TPST2: variants seen among roughly 807,000 people sequenced by gnomAD.
TPST2 encodes the protein tyrosylprotein sulfotransferase 2, also known as protein-tyrosine sulfotransferase 2.
A neutral mutation model predicts 27.8 loss-of-function variants in TPST2; 16 were observed. The ratio of observed to expected loss-of-function variants is 0.58; its 90% CI spans 0.39 to 0.88. The LOEUF (loss-of-function observed/expected upper bound fraction) is 0.88, where lower values mean the gene tolerates loss of function less well. TPST2 is among the 40% of genes least tolerant of loss of function. The pLI, the probability that TPST2 is intolerant of heterozygous loss-of-function variation, is 0.00. For missense variants in TPST2, 464 were observed against 543.1 expected (o/e 0.85, Z 1.45); for synonymous variants, 229 against 231.7 (o/e 0.99, Z 0.10).
rs1379287274 is a variant in TPST2, at chr22:26,539,531, G to A, written c.842+1258C>T. Among the ~76,000 whole-genome samples, 15 of 151,834 alleles carry A rather than the reference G, an allele frequency of 9.9e-5. No homozygotes were observed. In the South Asian group the frequency reaches 2.3e-3, roughly 23 times the overall value. On this transcript the variant is annotated intron_variant, in intron 3 of 6. Coordinates refer to ENST00000338754, the MANE Select transcript of TPST2 (RefSeq NM_003595.5). ...TAATCCCAGCACTTTGGGAGGCCAA[G>A]GCAGGAGGAAGGCTTGAGCTCAGGG...
intron 1 of TPST2, among the ~76,000 whole-genome samples, chr22:26,584,467 A>G (rs1928257150): frequency 6.6e-6 from 1 of 152,216 alleles, no homozygotes; most frequent in Non-Finnish European, 1.5e-5. Context: ...GCTAGGCCTT[A>G]AGATGGGATA....
chr22:26,569,657 A>T (rs1927521878), intron 1 of TPST2, among the ~76,000 whole-genome samples: 1 of 151,632 alleles, frequency 6.6e-6, no homozygotes. Flanking sequence ...CTAAAAAAAA[A>T]GAAAATTAAT....
At chr22:26,588,430 G>C (rs1928425118) in intron 1 of TPST2, among the ~76,000 whole-genome samples, 1 of 152,060 alleles carries the variant, frequency 6.6e-6, no homozygotes, top group Non-Finnish European at 1.5e-5. Flanking sequence ...CTTTCTTTTG[G>C]GCATGATAAA....
chr22:26,581,777 CAA>C (rs1013139851), intron 1 of TPST2, among the ~76,000 whole-genome samples: 10 of 152,330 alleles, frequency 6.6e-5, no homozygotes, highest in African/African-American at 2.4e-4. Flanking sequence ...CTCACCAAAT[CAA>C]AGTTTTATAA....
chr22:26,543,301 G>C (rs1925959678), intron 2 of TPST2: 1 of 152,184 alleles, frequency 6.6e-6, no homozygotes, highest in Non-Finnish European at 1.5e-5. Flanking sequence ...AGCTAATTCA[G>C]AGCTACTTCC....
chr22:26,568,551 G>C (rs1293936460), intron 1 of TPST2, among the ~76,000 whole-genome samples: 1 of 152,064 alleles, frequency 6.6e-6, no homozygotes, highest in Non-Finnish European at 1.5e-5. Context: ...GTGACCTCTG[G>C]TCATCCTCAC....
chr22:26,571,895 C>G (rs939985653), intron 1 of TPST2, among the ~76,000 whole-genome samples: 5 of 152,172 alleles, frequency 3.3e-5, no homozygotes, highest in African/African-American at 1.2e-4. Flanking sequence ...TCACCAGCAG[C>G]CCAGTCCAAG....
chr22:26,547,610 GA>G (rs1926195333), intron 1 of TPST2: 1 of 152,142 alleles, frequency 6.6e-6, no homozygotes, highest in South Asian at 2.1e-4. Flanking sequence ...CCAACAAATA[GA>G]AACCACACTT....
In TPST2 at chr22:26,536,260, A is replaced by T. The variant is rs762563778; in HGVS notation, c.1041+28T>A. 17 of 1,613,516 alleles carry T rather than the reference A, an allele frequency of 1.1e-5. No homozygotes were observed. In the South Asian group the frequency reaches 1.9e-4, roughly 18 times the overall value. ...AGAAGCCCCATATCCCCAAGAGTACACTTCCACAAGTACAGGTGCACACTC... is the reference window on the plus strand; with the variant it reads ...AGAAGCCCCATATCCCCAAGAGTACTCTTCCACAAGTACAGGTGCACACTC... On this transcript the variant is annotated intron_variant, in intron 4 of 6. Coordinates refer to ENST00000338754, the MANE Select transcript of TPST2 (RefSeq NM_003595.5).
chr22:26,534,666 C>T (rs895808081), intron 4 of TPST2, among the ~76,000 whole-genome samples: 1 of 152,246 alleles, frequency 6.6e-6, no homozygotes, highest in Non-Finnish European at 1.5e-5. Context: ...CAGCCCACTA[C>T]TGCAGTGTCC....
intron 4 of TPST2, among the ~76,000 whole-genome samples, chr22:26,533,870 T>C (rs572152743): frequency 6.6e-6 from 1 of 152,200 alleles, no homozygotes; most frequent in African/African-American, 2.4e-5. Context: ...GAGATGAGGT[T>C]TCACCATGTT....
intron 1 of TPST2, chr22:26,565,424 C>T (rs1038912313): frequency 5.2e-5 from 8 of 152,436 alleles, no homozygotes; most frequent in African/African-American, 1.4e-4. Context: ...CCTCCCTCTT[C>T]TGGATCCAGT....
At chr22:26,587,931 A>AAAAT (rs1928405756) in intron 1 of TPST2, among the ~76,000 whole-genome samples, 1 of 151,990 alleles carries the variant, frequency 6.6e-6, no homozygotes, top group African/African-American at 2.4e-5. Context: ...CTATCTCTAC[A>AAAAT]AAATAAATAA....
rs1272851469 is a variant in TPST2 at position 26,559,018 on chromosome 22, A to G, written c.-160-14343T>C. Reference sequence around the variant, plus strand: ...GATATTTTTGCATTTAGATTGTTTCATAACAGCTTTACTGAGGGACAATGC... The same window carrying G: ...GATATTTTTGCATTTAGATTGTTTCGTAACAGCTTTACTGAGGGACAATGC... On this transcript the variant is annotated intron_variant, in intron 1 of 6. Transcript: ENST00000338754. 2.0e-5 allele frequency among the ~76,000 whole-genome samples: 3 copies of G among 152,354 alleles called. No homozygotes were observed. In the East Asian group the frequency reaches 5.8e-4, roughly 29 times the overall value.
At chr22:26,528,284 A>T (rs764823606) in intron 5 of TPST2, 22 bp from the exon 6 acceptor site, 1 of 1,558,150 alleles carries the variant, frequency 6.4e-7, no homozygotes, top group South Asian at 1.2e-5. Flanking sequence ...CAATACACAG[A>T]AGAAGGGGTC....
At chr22:26,538,010 T>G (rs1925570985) in intron 3 of TPST2, among the ~76,000 whole-genome samples, 1 of 152,230 alleles carries the variant, frequency 6.6e-6, no homozygotes, top group African/African-American at 2.4e-5. Flanking sequence ...ATCTTCAACC[T>G]GCTTCCTAAC....
At chr22:26,542,498 T>C (rs2147191576) in intron 2 of TPST2, among the ~76,000 whole-genome samples, 2 of 152,330 alleles carry the variant, frequency 1.3e-5, no homozygotes, top group South Asian at 4.1e-4. Flanking sequence ...GTGATTTCTA[T>C]CATAATCATT....
intron 1 of TPST2, among the ~76,000 whole-genome samples, chr22:26,579,169 C>G (rs1356315085): frequency 6.6e-6 from 1 of 152,152 alleles, no homozygotes; most frequent in Non-Finnish European, 1.5e-5. Context: ...AGGCAAGACT[C>G]AGTTTCTAAC....
chr22:26,553,649 C>T (rs1926613794), intron 1 of TPST2, among the ~76,000 whole-genome samples: 1 of 151,594 alleles, frequency 6.6e-6, no homozygotes, highest in Non-Finnish European at 1.5e-5. Flanking sequence ...TGAGCTACTG[C>T]ACCTGGCTGG....
Sources: allele counts gnomAD v4.1 joint callset (sites outside exome capture counted in the v4.1 genomes callset), GRCh38; gene constraint gnomAD v4.1.1; transcripts MANE v1.5; gene names NCBI Gene and HGNC (gene_info 2026-07-23, HGNC 2026-07-21).